COL5A2: variants seen among roughly 807,000 people sequenced by gnomAD.
COL5A2 encodes collagen type V alpha 2 chain, also known as collagen alpha-2(V) chain.
COL5A2 carries 23 observed loss-of-function variants against 208.2 expected under a neutral mutation model. The ratio of observed to expected loss-of-function variants is 0.11; its 90% CI spans 0.08 to 0.16. COL5A2 has a LOEUF of 0.16. Among genes scored for constraint, COL5A2 ranks in the 10% least tolerant of loss-of-function variants. COL5A2 has a pLI of 1.00. For missense variants in COL5A2, 1,590 were observed against 1,956.4 expected (o/e 0.81, Z 3.53); for synonymous variants, 625 against 628.5 (o/e 0.99, Z 0.08).
Position 189,052,176 on chromosome 2 carries a change from G to T in COL5A2, c.2765C>A (p.Pro922His), listed in dbSNP as rs1365008582. The change falls in exon 41 of 54, where the codon CCT (proline) becomes CAT (histidine). Residue 922 changes from proline (P) to histidine (H), a missense_variant. By Grantham distance (77) the Pro-to-His change is moderately conservative (BLOSUM62 -2). Transcript: ENST00000374866. ...GSAGRVGPPGPAGAPGPAGPL... is the reference protein window; with the variant it reads ...GSAGRVGPPGHAGAPGPAGPL... ...TGTCTCACTAAGTTGACTTACAGCAGGGCCTGGAGGTCCAACTCTGCCCGC... is the reference window on the plus strand; with the variant it reads ...TGTCTCACTAAGTTGACTTACAGCATGGCCTGGAGGTCCAACTCTGCCCGC... 6.2e-7 allele frequency: 1 copy of T among 1,613,410 alleles called. No homozygotes were observed. Among genetic ancestry groups the T allele is most frequent in the Non-Finnish European group, 8.5e-7 (1 of 1,179,634 alleles).
intron 1 of COL5A2, among the ~76,000 whole-genome samples, chr2:189,204,384 G>A (rs12162401): frequency 2.0e-5 from 3 of 152,154 alleles, no homozygotes; most frequent in Admixed American, 2.0e-4. Flanking sequence ...TATCCCCATA[G>A]TACCTTACTT....
At chr2:189,059,755 C>A (rs1307256512) in intron 31 of COL5A2, among the ~76,000 whole-genome samples, 1 of 151,570 alleles carries the variant, frequency 6.6e-6, no homozygotes, top group East Asian at 1.9e-4. Context: ...TGCCACCATG[C>A]CCAGGTAATT....
At chr2:189,079,129 T>C (rs771076891) in intron 14 of COL5A2, 22 bp from the exon 15 acceptor site, 2 of 1,599,910 alleles carry the variant, frequency 1.3e-6, no homozygotes, top group Non-Finnish European at 1.7e-6. Context: ...TGAGAATACA[T>C]TACAGTATGA....
chr2:189,037,009 C>T (rs1463481357), intron 51 of COL5A2, among the ~76,000 whole-genome samples: 1 of 152,092 alleles, frequency 6.6e-6, no homozygotes, highest in African/African-American at 2.4e-5. Context: ...CTTTGCCAAA[C>T]CATGTACTTA....
chr2:189,049,081 A>G (rs890611540), intron 44 of COL5A2, among the ~76,000 whole-genome samples: 2 of 152,186 alleles, frequency 1.3e-5, no homozygotes, highest in African/African-American at 4.8e-5. Flanking sequence ...TTCACCCTCA[A>G]AACAGTTTGG....
intron 50 of COL5A2, 62 bp downstream of exon 50, chr2:189,041,524 T>C: frequency 7.5e-7 from 1 of 1,326,136 alleles, no homozygotes; most frequent in Non-Finnish European, 1.1e-6. Context: ...AGACATTTCT[T>C]GGACGGAATC....
the COL5A2 span, among the ~76,000 whole-genome samples, chr2:189,393,364 A>G: frequency 6.6e-6 from 1 of 152,172 alleles, no homozygotes; most frequent in African/African-American, 2.4e-5. Flanking sequence ...TTTTGTAGTC[A>G]CTGGAAAACT....
Position 189,069,203 on chromosome 2 carries a change from C to T in COL5A2, c.1159-319G>A, listed in dbSNP as rs113885360. 4.5e-3 allele frequency among the ~76,000 whole-genome samples: 692 copies of T among 152,202 alleles called. 5 individuals are homozygous for T. Among genetic ancestry groups the T allele is most frequent in the African/African-American group, 0.015 (637 of 41,534 alleles). The stretch of plus-strand genomic sequence containing the variant: ...AAAATCTGAGATTTTTCTTCCCACA[C>T]CTATCAGAATTTACACTTATTACAT... On this transcript the variant is annotated intron_variant, in intron 18 of 53. Transcript: ENST00000374866.
At chr2:189,044,176 G>C (rs1239491165) in intron 47 of COL5A2, among the ~76,000 whole-genome samples, 5 of 152,178 alleles carry the variant, frequency 3.3e-5, no homozygotes, top group African/African-American at 1.2e-4. Flanking sequence ...GACTTTGGAA[G>C]ATGACTGCAG....
the COL5A2 span, among the ~76,000 whole-genome samples, chr2:189,255,708 T>C: frequency 6.6e-6 from 1 of 152,196 alleles, no homozygotes; most frequent in Non-Finnish European, 1.5e-5. Context: ...AATGAGCTTA[T>C]AATCTAATGG....
chr2:189,115,005 GATA>G (rs1438677002), intron 1 of COL5A2, among the ~76,000 whole-genome samples: 1 of 152,068 alleles, frequency 6.6e-6, no homozygotes, highest in African/African-American at 2.4e-5. Flanking sequence ...GTAGAAATCT[GATA>G]ATACCATCAC....
At chr2:189,111,036 C>T (rs557179244) in intron 1 of COL5A2, among the ~76,000 whole-genome samples, 3 of 152,220 alleles carry the variant, frequency 2.0e-5, no homozygotes, top group Admixed American at 1.3e-4. Context: ...ATTTGATATA[C>T]TAAATTGATG....
the COL5A2 span, among the ~76,000 whole-genome samples, chr2:189,413,783 ATTTTTTTT>A: frequency 2.5e-5 from 2 of 79,176 alleles, no homozygotes; most frequent in Admixed American, 1.9e-4. Context: ...CCTTGGCGTC[ATTTTTTTT>A]TTTTTTTTTT....
the COL5A2 span, among the ~76,000 whole-genome samples, chr2:189,402,075 A>C: frequency 6.6e-6 from 1 of 152,044 alleles, no homozygotes; most frequent in Non-Finnish European, 1.5e-5. Context: ...TTTTAATTAG[A>C]TCCCACATGT....
At chr2:189,375,873 T>C in the COL5A2 span, among the ~76,000 whole-genome samples, 1 of 152,232 alleles carries the variant, frequency 6.6e-6, no homozygotes, top group African/African-American at 2.4e-5. Context: ...ATCAGAATAG[T>C]GGAAAGAAAT....
chr2:189,052,350 T>C (rs1174595174), intron 40 of COL5A2, 125 bp from the exon 41 acceptor site: 18 of 849,944 alleles, frequency 2.1e-5, no homozygotes, highest in African/African-American at 1.0e-4. Context: ...GTAAGCAATA[T>C]TTTTTTTTCT....
At chr2:189,244,381 T>C in the COL5A2 span, among the ~76,000 whole-genome samples, 2 of 152,114 alleles carry the variant, frequency 1.3e-5, no homozygotes, top group African/African-American at 4.8e-5. Flanking sequence ...CCCTAAATCA[T>C]CTCTCTCAAG....
intron 53 of COL5A2, 29 bp from the exon 54 acceptor site, chr2:189,034,245 T>C (rs1261599643): frequency 2.5e-6 from 4 of 1,613,376 alleles, no homozygotes; most frequent in East Asian, 4.5e-5. Context: ...ATGGGTTAAA[T>C]GTACATACAA....
Position 189,203,490 on chromosome 2 carries a change from T to C in COL5A2, c.-42+21658A>G, listed in dbSNP as rs187593024. On this transcript the variant is annotated intron_variant, in intron 1 of 10. Coordinates refer to the COL5A2 transcript ENST00000649966. ...TAAAGAAATACCCAAAGTTGCAATG[T>C]ATCGGCAAGTTTACAGAACAAAGTG... Among the ~76,000 whole-genome samples, 27 of 152,360 alleles carry C rather than the reference T, an allele frequency of 1.8e-4. No individual in the cohort carries two copies. The East Asian group carries it at 4.8e-3, about 27-fold the overall frequency.
Sources: gnomAD v4.1 joint callset for allele counts (sites outside exome capture counted in the v4.1 genomes callset) on GRCh38, gnomAD v4.1.1 for gene constraint, MANE v1.5 for transcripts, NCBI Gene and HGNC (gene_info 2026-07-23, HGNC 2026-07-21) for gene names.